Variants in SAMD12 observed in about 807,000 individuals in gnomAD.
SAMD12 encodes sterile alpha motif domain-containing protein 12.
In SAMD12, 9 loss-of-function variants were observed where a neutral mutation model predicts 15.0. The ratio of observed to expected loss-of-function variants is 0.60; its 90% CI spans 0.36 to 1.05. The LOEUF (loss-of-function observed/expected upper bound fraction) is 1.05. SAMD12 is among the 50% of genes least tolerant of loss of function. The pLI is 0.01. For synonymous variants in SAMD12, 86 were observed against 90.1 expected (o/e 0.96, Z 0.25); for missense variants, 230 against 234.2 (o/e 0.98, Z 0.12).
At chr8:118,578,626 T>C (rs1827208639) in intron 2 of SAMD12, among the ~76,000 whole-genome samples, 1 of 152,170 alleles carries the variant, frequency 6.6e-6, no homozygotes, top group African/African-American at 2.4e-5. Context: ...AATGTGTTTG[T>C]ACCTGCACAA....
chr8:118,392,512 T>A (rs1354526042), intron 3 of SAMD12, among the ~76,000 whole-genome samples: 1 of 151,132 alleles, frequency 6.6e-6, no homozygotes, highest in Admixed American at 6.6e-5. Flanking sequence ...AGGTAAGAGG[T>A]CACCCAAGAC....
At chr8:118,286,631 C>T (rs770592173) in intron 4 of SAMD12, among the ~76,000 whole-genome samples, 6 of 152,104 alleles carry the variant, frequency 3.9e-5, no homozygotes, top group Non-Finnish European at 5.9e-5. Context: ...GGGAAGCCAG[C>T]GTGGTAGGAC....
intron 4 of SAMD12, among the ~76,000 whole-genome samples, chr8:118,292,162 C>T (rs1425586156): frequency 1.3e-5 from 2 of 150,540 alleles, no homozygotes; most frequent in African/African-American, 2.4e-5. Flanking sequence ...GGGTAGGGGG[C>T]GAGGGATAAA....
chr8:118,552,852 T>A (rs1286784523), intron 2 of SAMD12, among the ~76,000 whole-genome samples: 1 of 151,818 alleles, frequency 6.6e-6, no homozygotes, highest in Non-Finnish European at 1.5e-5. Flanking sequence ...ACAAAATCAA[T>A]GTACAAAAAT....
intron 4 of SAMD12, among the ~76,000 whole-genome samples, chr8:118,281,837 T>G (rs1004212249): frequency 1.3e-5 from 2 of 152,142 alleles, no homozygotes; most frequent in African/African-American, 4.8e-5. Context: ...TCTCCAAAAT[T>G]TGCTCATTTA....
At chr8:118,327,893 C>A (rs937015139) in intron 4 of SAMD12, among the ~76,000 whole-genome samples, 3 of 152,134 alleles carry the variant, frequency 2.0e-5, no homozygotes, top group African/African-American at 7.2e-5. Flanking sequence ...TTGTGAATGC[C>A]AGGGATTGCT....
intron 4 of SAMD12, among the ~76,000 whole-genome samples, chr8:118,203,289 A>T (rs1819763705): frequency 6.6e-6 from 1 of 152,150 alleles, no homozygotes; most frequent in South Asian, 2.1e-4. Flanking sequence ...ACAGTCTAAG[A>T]TCTTTCCTAT....
exon 5 of SAMD12, chr8:118,189,893 T>A (rs115357313): frequency 6.7e-6 from 1 of 149,782 alleles, no homozygotes; most frequent in South Asian, 2.1e-4. Flanking sequence ...ACCACATAAC[T>A]TGATTGCCTC....
chr8:118,402,330 T>C (rs1362430284), intron 3 of SAMD12, among the ~76,000 whole-genome samples: 3 of 152,118 alleles, frequency 2.0e-5, no homozygotes, highest in Admixed American at 6.5e-5. Context: ...AAAAAGAACA[T>C]TTAAGGAGCA....
chr8:118,156,144 A>T, the SAMD12 span, among the ~76,000 whole-genome samples: 22 of 152,340 alleles, frequency 1.4e-4, no homozygotes, highest in Non-Finnish European at 2.8e-4. Flanking sequence ...AATCTGCTGT[A>T]TCTATTATTC....
Position 118,588,419 on chromosome 8 carries a change from G to T in SAMD12, c.14-7526C>A, listed in dbSNP as rs186282531. Among the ~76,000 whole-genome samples, 185 of 152,182 alleles carry T rather than the reference G, an allele frequency of 1.2e-3. 2 individuals carry two copies. Among genetic ancestry groups the T allele is most frequent in the African/African-American group, 4.2e-3 (176 of 41,508 alleles). ...TCCATCCTGCTGTTTGTTTTCATGT[G>T]GTTTGTGACCCCAAAATAGTTTTTA... On this transcript the variant is annotated intron_variant, in intron 1 of 3. Transcript: ENST00000314727.
the SAMD12 span, among the ~76,000 whole-genome samples, chr8:118,161,039 C>T: frequency 6.6e-5 from 10 of 151,948 alleles, no homozygotes; most frequent in Non-Finnish European, 1.2e-4. Flanking sequence ...TGAGAACATG[C>T]GGTGTTTGGT....
chr8:118,204,919 G>A lies in SAMD12; in HGVS notation c.434-7187C>T, dbSNP rs17480795. Among the ~76,000 whole-genome samples the A allele has an allele frequency of 5.7e-3, 864 of 152,310 alleles. 25 individuals are homozygous for A. Among genetic ancestry groups the A allele is most frequent in the East Asian group, 0.046 (240 of 5,182 alleles). On this transcript the variant is annotated intron_variant, in intron 4 of 4. Coordinates refer to the SAMD12 transcript ENST00000409003. ...TGGAAAGCACAATAAGTCTGTGATGGTTAATTTTATGTGTGAACTTGATTG... is the reference window on the plus strand; with the variant it reads ...TGGAAAGCACAATAAGTCTGTGATGATTAATTTTATGTGTGAACTTGATTG...
At chr8:118,333,421 A>G (rs903233497) in intron 4 of SAMD12, among the ~76,000 whole-genome samples, 2 of 152,166 alleles carry the variant, frequency 1.3e-5, no homozygotes, top group African/African-American at 2.4e-5. Context: ...AGCTTTCTGT[A>G]TCATGATCCC....
At chr8:118,243,935 C>T (rs967702197) in intron 4 of SAMD12, among the ~76,000 whole-genome samples, 2 of 152,114 alleles carry the variant, frequency 1.3e-5, no homozygotes, top group Non-Finnish European at 2.9e-5. Flanking sequence ...CCACAAGATG[C>T]ACAACTTCTC....
At chr8:118,615,272 C>T (rs1479491297) in intron 1 of SAMD12, among the ~76,000 whole-genome samples, 1 of 152,190 alleles carries the variant, frequency 6.6e-6, no homozygotes, top group African/African-American at 2.4e-5. Context: ...GCTATCCCCA[C>T]CCAGCTCAGA....
At chr8:118,253,363 T>C (rs1219367196) in intron 4 of SAMD12, among the ~76,000 whole-genome samples, 2 of 152,218 alleles carry the variant, frequency 1.3e-5, no homozygotes, top group East Asian at 1.9e-4. Flanking sequence ...CAATACATAT[T>C]CTATACAATT....
At chr8:118,337,616 A>G (rs1272545553) in intron 4 of SAMD12, among the ~76,000 whole-genome samples, 1 of 152,228 alleles carries the variant, frequency 6.6e-6, no homozygotes, top group African/African-American at 2.4e-5. Flanking sequence ...GGTCTCCCAC[A>G]TGCTGTCCCA....
chr8:118,479,628 CA>C (rs1824067001), intron 2 of SAMD12, among the ~76,000 whole-genome samples: 1 of 152,170 alleles, frequency 6.6e-6, no homozygotes, highest in South Asian at 2.1e-4. Flanking sequence ...CAAACCACAT[CA>C]ATCACTTTCC....
Sources: allele counts gnomAD v4.1 joint callset (sites outside exome capture counted in the v4.1 genomes callset), GRCh38; gene constraint gnomAD v4.1.1; transcripts MANE v1.5; gene names NCBI Gene and HGNC (gene_info 2026-07-23, HGNC 2026-07-21).